AGBL1: variants seen among roughly 807,000 people sequenced by gnomAD.
AGBL1 encodes the protein cytosolic carboxypeptidase 4.
In AGBL1, 130 loss-of-function variants were observed where a neutral mutation model predicts 118.9. The observed-to-expected ratio is 1.09, with a 90% CI of 0.95 to 1.26. The LOEUF (loss-of-function observed/expected upper bound fraction) is 1.26, where lower values mean the gene tolerates loss of function less well. AGBL1 is among the 50% of genes most tolerant of loss of function. AGBL1 has a pLI of 0.00. For missense variants in AGBL1, 1,584 were observed against 1,298.1 expected, an observed-to-expected ratio of 1.22 and a Z score of -3.38; for synonymous variants, 555 against 478.9, an observed-to-expected ratio of 1.16 and a Z score of -2.08.
chr15:86,895,769 G>A (rs183663853), intron 22 of AGBL1, among the ~76,000 whole-genome samples: 4 of 151,910 alleles, frequency 2.6e-5, no homozygotes, highest in Admixed American at 2.6e-4. Flanking sequence ...TGTTTTTATG[G>A]AAAATTTATT....
chr15:86,253,322 C>T (rs1045656345), intron 7 of AGBL1, among the ~76,000 whole-genome samples: 1 of 152,158 alleles, frequency 6.6e-6, no homozygotes, highest in Non-Finnish European at 1.5e-5. Context: ...GTGATCTTGG[C>T]TCACTGCAGC....
At chr15:86,232,539 C>T (rs1049924434) in intron 6 of AGBL1, among the ~76,000 whole-genome samples, 13 of 152,200 alleles carry the variant, frequency 8.5e-5, no homozygotes, top group African/African-American at 2.2e-4. Context: ...ATTTGCTAAG[C>T]CATTATTTAA....
chr15:86,530,055 G>A (rs1320515316), intron 19 of AGBL1, among the ~76,000 whole-genome samples: 2 of 127,754 alleles, frequency 1.6e-5, no homozygotes, highest in East Asian at 2.1e-4. Context: ...ATCAACTAAC[G>A]AGCAAAATCA....
intron 17 of AGBL1, among the ~76,000 whole-genome samples, chr15:86,314,551 CTT>C (rs2141830441): frequency 6.6e-6 from 1 of 152,252 alleles, no homozygotes; most frequent in South Asian, 2.1e-4. Flanking sequence ...TGGTGGGTCT[CTT>C]TGCACAGACA....
At chr15:86,479,562 T>C (rs1204463109) in intron 18 of AGBL1, among the ~76,000 whole-genome samples, 2 of 152,124 alleles carry the variant, frequency 1.3e-5, no homozygotes, top group African/African-American at 2.4e-5. Flanking sequence ...ATGGTGATCA[T>C]TAAAAAGTCA....
chr15:86,181,960 T>C (rs974467590), intron 5 of AGBL1, among the ~76,000 whole-genome samples: 1 of 152,092 alleles, frequency 6.6e-6, no homozygotes, highest in African/African-American at 2.4e-5. Flanking sequence ...AGATCATGCA[T>C]TCATTCATTC....
chr15:86,224,780 A>G (rs2078333379), intron 5 of AGBL1, 134 bp from the exon 6 acceptor site: 2 of 792,518 alleles, frequency 2.5e-6, no homozygotes, highest in Non-Finnish European at 4.3e-6. Context: ...CAGCGGGGCA[A>G]TCAATAGATT....
At chr15:86,382,638 G>A (rs2081127879) in intron 17 of AGBL1, among the ~76,000 whole-genome samples, 1 of 152,056 alleles carries the variant, frequency 6.6e-6, no homozygotes, top group African/African-American at 2.4e-5. Flanking sequence ...GTCATTTTGA[G>A]TGAACAGTGG....
chr15:86,158,894 C>T (rs2077228856), intron 4 of AGBL1, 39 bp from the exon 5 acceptor site: 2 of 1,575,788 alleles, frequency 1.3e-6, no homozygotes, highest in Non-Finnish European at 1.7e-6. Flanking sequence ...TTAACTCATC[C>T]ACTTGTGACC....
chr15:86,555,192 C>T (rs567186365), intron 21 of AGBL1, among the ~76,000 whole-genome samples: 2 of 152,268 alleles, frequency 1.3e-5, no homozygotes, highest in East Asian at 3.9e-4. Flanking sequence ...TTTCCCACTC[C>T]CCCATAGAGA....
chr15:86,574,542 A>G (rs1421791387), intron 21 of AGBL1, among the ~76,000 whole-genome samples: 1 of 139,188 alleles, frequency 7.2e-6, no homozygotes, highest in Non-Finnish European at 1.6e-5. Flanking sequence ...TACATAACAT[A>G]TGTTCTATAC....
At chr15:86,693,182 C>T (rs192854723) in intron 22 of AGBL1, among the ~76,000 whole-genome samples, 2 of 152,210 alleles carry the variant, frequency 1.3e-5, no homozygotes, top group Admixed American at 1.3e-4. Context: ...AAGGAACCTC[C>T]ACACTGTTTT....
At chr15:86,557,171 C>T (rs1457980459) in intron 21 of AGBL1, among the ~76,000 whole-genome samples, 2 of 152,196 alleles carry the variant, frequency 1.3e-5, no homozygotes, top group Non-Finnish European at 2.9e-5. Flanking sequence ...GGAAATCCCA[C>T]CCACTGAGAG....
chr15:86,972,486 C>A (rs1213086955), intron 23 of AGBL1, among the ~76,000 whole-genome samples: 1 of 152,008 alleles, frequency 6.6e-6, no homozygotes. Flanking sequence ...TTTTTATTTA[C>A]TGAAATTATT....
chr15:86,738,432 A>C (rs536613814), intron 22 of AGBL1, among the ~76,000 whole-genome samples: 28 of 152,198 alleles, frequency 1.8e-4, no homozygotes, highest in Non-Finnish European at 3.4e-4. Context: ...AAAAAAAAGA[A>C]GTCAAATTGT....
chr15:86,087,573 GC>G (rs914957960), intron 1 of AGBL1, among the ~76,000 whole-genome samples: 2 of 152,084 alleles, frequency 1.3e-5, no homozygotes, highest in African/African-American at 4.8e-5. Flanking sequence ...CAAGTGATCT[GC>G]CCTCCTCAGC....
intron 15 of AGBL1, among the ~76,000 whole-genome samples, chr15:86,276,523 A>G (rs1359522455): frequency 6.6e-6 from 1 of 152,216 alleles, no homozygotes; most frequent in East Asian, 1.9e-4. Context: ...GTATTATACA[A>G]ACTTTAACTG....
intron 8 of AGBL1, 110 bp from the exon 9 acceptor site, chr15:86,257,854 C>T: frequency 1.0e-6 from 1 of 988,652 alleles, no homozygotes; most frequent in Non-Finnish European, 1.5e-6. Flanking sequence ...AATATTGGGC[C>T]CCTTATTTGA....
chr15:87,029,626 T>C (rs988266473), downstream of AGBL1, among the ~76,000 whole-genome samples: 1 of 151,950 alleles, frequency 6.6e-6, no homozygotes, highest in Admixed American at 6.6e-5. Context: ...CATTTTATAA[T>C]GAGGAAACTA....
Sources: allele counts gnomAD v4.1 joint callset (sites outside exome capture counted in the v4.1 genomes callset), GRCh38; gene constraint gnomAD v4.1.1; transcripts MANE v1.5; gene names NCBI Gene and HGNC (gene_info 2026-07-23, HGNC 2026-07-21).